MBNL1: variants seen among roughly 807,000 people sequenced by gnomAD.
MBNL1 encodes the protein muscleblind like splicing regulator 1.
MBNL1 carries 8 observed loss-of-function variants against 42.2 expected under a neutral mutation model. The observed-to-expected ratio is 0.19, with a 90% CI of 0.11 to 0.34. MBNL1 has a LOEUF of 0.34. MBNL1 is among the 10% of genes least tolerant of loss of function. The pLI is 1.00. For missense variants in MBNL1, 309 were observed against 495.3 expected (o/e 0.62, Z 3.57); for synonymous variants, 169 against 173.9 (o/e 0.97, Z 0.22).
chr3:152,312,324 T>G (rs551115463), intron 2 of MBNL1, among the ~76,000 whole-genome samples: 1 of 152,336 alleles, frequency 6.6e-6, no homozygotes, highest in East Asian at 1.9e-4. Flanking sequence ...GAACAGAAAC[T>G]TTCGATACCA....
chr3:152,390,365 C>T (rs912964426), intron 2 of MBNL1, among the ~76,000 whole-genome samples: 2 of 151,724 alleles, frequency 1.3e-5, no homozygotes, highest in African/African-American at 4.8e-5. Flanking sequence ...TTCTTCACTC[C>T]ACATCTTGTC....
intron 2 of MBNL1, among the ~76,000 whole-genome samples, chr3:152,354,633 A>G (rs1032837489): frequency 2.0e-5 from 3 of 151,582 alleles, no homozygotes; most frequent in Non-Finnish European, 4.4e-5. Flanking sequence ...TAATTTTACA[A>G]TTTTTACTAT....
chr3:152,313,124 G>A (rs2067991293), intron 2 of MBNL1, among the ~76,000 whole-genome samples: 1 of 151,760 alleles, frequency 6.6e-6, no homozygotes, highest in African/African-American at 2.4e-5. Context: ...CTGGGTTCAA[G>A]CGATTCTCCT....
At chr3:152,414,892 C>T (rs763323934) in intron 2 of MBNL1, 49 bp from the exon 3 acceptor site, 2 of 1,581,730 alleles carry the variant, frequency 1.3e-6, no homozygotes, top group Non-Finnish European at 1.7e-6. Context: ...TCATAATTTG[C>T]TGATTTTATT....
chr3:152,264,704 AT>A (rs1033042628), upstream of MBNL1: 1 of 152,212 alleles, frequency 6.6e-6, no homozygotes, highest in Non-Finnish European at 1.5e-5. Context: ...TTCAAAATGT[AT>A]TTGCTTACTG....
chr3:152,427,271 C>G (rs2153724355), intron 3 of MBNL1, among the ~76,000 whole-genome samples: 1 of 152,284 alleles, frequency 6.6e-6, no homozygotes, highest in South Asian at 2.1e-4. Flanking sequence ...TTATTTCAGT[C>G]AAACTGGATT....
chr3:152,324,116 G>T (rs2078051525), intron 2 of MBNL1, among the ~76,000 whole-genome samples: 1 of 152,086 alleles, frequency 6.6e-6, no homozygotes, highest in Non-Finnish European at 1.5e-5. Context: ...AAATCGTTTA[G>T]CAGGAAATCA....
At chr3:152,342,488 A>G (rs1287914487) in intron 2 of MBNL1, among the ~76,000 whole-genome samples, 1 of 152,012 alleles carries the variant, frequency 6.6e-6, no homozygotes, top group African/African-American at 2.4e-5. Flanking sequence ...TTCCAGGGTC[A>G]CACAACTAGA....
chr3:152,362,939 T>C (rs920630647), intron 2 of MBNL1, among the ~76,000 whole-genome samples: 2 of 152,148 alleles, frequency 1.3e-5, no homozygotes, highest in Non-Finnish European at 2.9e-5. Flanking sequence ...AATGAACAAA[T>C]CTGAAAGATC....
intron 2 of MBNL1, among the ~76,000 whole-genome samples, chr3:152,335,638 A>G (rs2089418888): frequency 6.6e-6 from 1 of 151,930 alleles, no homozygotes; most frequent in Non-Finnish European, 1.5e-5. Context: ...TTTTTTCACA[A>G]CAGTAGATTA....
intron 2 of MBNL1, among the ~76,000 whole-genome samples, chr3:152,313,592 T>A (rs2068431201): frequency 6.6e-6 from 1 of 152,172 alleles, no homozygotes; most frequent in Admixed American, 6.5e-5. Context: ...ACGGTAGCCG[T>A]TTGTATTGTT....
intron 3 of MBNL1, among the ~76,000 whole-genome samples, chr3:152,417,814 G>A (rs966922598): frequency 1.3e-5 from 2 of 152,132 alleles, no homozygotes; most frequent in African/African-American, 2.4e-5. Flanking sequence ...ACATAGAATG[G>A]GGCATAGAAG....
chr3:152,401,857 C>T (rs554384947), intron 2 of MBNL1, among the ~76,000 whole-genome samples: 56 of 151,914 alleles, frequency 3.7e-4, no homozygotes, highest in African/African-American at 1.3e-3. Flanking sequence ...GGTGAAACCC[C>T]GTCTCTACTA....
chr3:152,441,766 A>G (rs1413591305), intron 4 of MBNL1, among the ~76,000 whole-genome samples: 4 of 152,174 alleles, frequency 2.6e-5, no homozygotes, highest in Non-Finnish European at 4.4e-5. Flanking sequence ...TATTGTTTTA[A>G]TGCAGGTTTG....
At chr3:152,249,976 A>G (rs1475940587) in intron 2 of MBNL1, among the ~76,000 whole-genome samples, 14 of 146,974 alleles carry the variant, frequency 9.5e-5, no homozygotes, top group Non-Finnish European at 2.1e-4. Flanking sequence ...CCATTGATCT[A>G]TATCTCTGTT....
Position 152,432,824 on chromosome 3 carries a change from G to T in MBNL1, c.453G>T (p.Pro151=). Residue 151 remains proline, a synonymous_variant, in exon 4 of 10, where the codon CCG becomes CCT. Transcript: ENST00000324210. ...SPSLVPAEIL[P]TAPMLVTGNP... ...GCCTGGTCCCGGCAGAGATCTTGCC[G>T]ACTGCACCAATGTTGGTTACAGGGA... is the stretch of plus-strand genomic sequence containing the variant. The T allele has an allele frequency of 6.2e-7, 1 of 1,614,136 alleles. No individual in the cohort carries two copies. Among genetic ancestry groups the T allele is most frequent in the South Asian group, 1.1e-5 (1 of 91,062 alleles).
At chr3:152,353,006 A>G (rs765362011) in intron 2 of MBNL1, among the ~76,000 whole-genome samples, 5 of 152,270 alleles carry the variant, frequency 3.3e-5, no homozygotes, top group Non-Finnish European at 7.3e-5. Context: ...TTACAAACAT[A>G]GAAACAACAC....
chr3:152,308,681 A>G (rs1375485215), intron 2 of MBNL1, among the ~76,000 whole-genome samples: 5 of 152,080 alleles, frequency 3.3e-5, no homozygotes, highest in Non-Finnish European at 7.4e-5. Context: ...TGCAGAGCTT[A>G]ATGAACAGCT....
chr3:152,364,682 C>T (rs1272546601), intron 2 of MBNL1, among the ~76,000 whole-genome samples: 1 of 151,680 alleles, frequency 6.6e-6, no homozygotes, highest in African/African-American at 2.4e-5. Context: ...GTTTTACTAA[C>T]ATGTTGTAGC....
Sources: gnomAD v4.1 joint callset for allele counts (sites outside exome capture counted in the v4.1 genomes callset) on GRCh38, gnomAD v4.1.1 for gene constraint, MANE v1.5 for transcripts, NCBI Gene and HGNC (gene_info 2026-07-23, HGNC 2026-07-21) for gene names.